The following RARS2 variants were observed in gnomAD, a reference collection of about 807,000 sequenced individuals.
RARS2 encodes probable arginine--tRNA ligase, mitochondrial.
RARS2 carries 67 observed loss-of-function variants against 88.5 expected under a neutral mutation model. The ratio of observed to expected loss-of-function variants is 0.76; its 90% CI spans 0.62 to 0.93. The LOEUF is 0.93. Ranked by LOEUF, RARS2 falls within the 40% of genes least tolerant of loss-of-function variation. The pLI is 0.00. For synonymous variants in RARS2, 239 were observed against 230.3 expected, an observed-to-expected ratio of 1.04 and a Z score of -0.34; for missense variants, 664 against 684.2, an observed-to-expected ratio of 0.97 and a Z score of 0.33.
chr6:87,526,997 C>A (rs1232640324), intron 10 of RARS2, among the ~76,000 whole-genome samples: 1 of 151,528 alleles, frequency 6.6e-6, no homozygotes. Context: ...GACAAAGGTG[C>A]CAAAATAACA....
intron 11 of RARS2, among the ~76,000 whole-genome samples, chr6:87,523,610 G>A (rs1339559976): frequency 6.6e-6 from 1 of 152,110 alleles, no homozygotes; most frequent in Non-Finnish European, 1.5e-5. Context: ...TAGTTATAGA[G>A]ACTTCATGTC....
At chr6:87,572,398 A>G (rs999409222) in intron 1 of RARS2, among the ~76,000 whole-genome samples, 1 of 152,128 alleles carries the variant, frequency 6.6e-6, no homozygotes, top group African/African-American at 2.4e-5. Flanking sequence ...AATTCGGCTG[A>G]AAAAAACTCA....
At chr6:87,541,201 G>C (rs991210659) in intron 8 of RARS2, among the ~76,000 whole-genome samples, 1 of 152,158 alleles carries the variant, frequency 6.6e-6, no homozygotes, top group Non-Finnish European at 1.5e-5. Context: ...TTCTGAGACA[G>C]GGTCTTGCTC....
intron 10 of RARS2, among the ~76,000 whole-genome samples, chr6:87,527,078 A>G (rs1463280304): frequency 6.6e-6 from 1 of 152,052 alleles, no homozygotes; most frequent in Non-Finnish European, 1.5e-5. Context: ...TGGGAGGCCA[A>G]AGCGGGTAGA....
chr6:87,534,182 A>G (rs1026136636), intron 8 of RARS2, among the ~76,000 whole-genome samples: 14 of 152,244 alleles, frequency 9.2e-5, no homozygotes, highest in African/African-American at 3.1e-4. Flanking sequence ...ATGTGTTTAT[A>G]TAATTAAAAT....
At position 87,518,199 on chromosome 6, in the gene RARS2, T is replaced by G. The variant is rs1041059224; in HGVS notation, c.1481A>C (p.Gln494Pro). 6.8e-6 allele frequency: 11 copies of G among 1,614,048 alleles called. No individual in the cohort carries two copies. The highest frequency in any genetic ancestry group is 8.5e-6 in the Non-Finnish European group (10 of 1,180,026). ...DFNTACLQEP[Q>P]SVSILQHLLR... ...AAGATGCTGAAGAATTGAAACAGAC[T>G]GTGGCTCTTGTAAACAAGCAGTGTT... The change falls in exon 17 of 20, where the codon CAG (glutamine) becomes CCG (proline). Residue 494 changes from glutamine to proline, a missense_variant. Gln to Pro is a moderately conservative substitution (Grantham distance 76). Transcript: ENST00000369536.
intron 8 of RARS2, 114 bp from the exon 9 acceptor site, chr6:87,531,056 T>C (rs1187151661): frequency 2.0e-6 from 3 of 1,513,352 alleles, no homozygotes; most frequent in Non-Finnish European, 2.7e-6. Flanking sequence ...ATTTTCCAAG[T>C]TGGGTACATT....
chr6:87,564,534 T>C (rs1415119449), intron 2 of RARS2: 11 of 384,332 alleles, frequency 2.9e-5, no homozygotes, highest in Admixed American at 1.1e-4. Flanking sequence ...CCAGGCATGG[T>C]GGTGTGTACC....
intron 11 of RARS2, among the ~76,000 whole-genome samples, chr6:87,524,099 C>A (rs1774896636): frequency 6.6e-6 from 1 of 152,138 alleles, no homozygotes; most frequent in Non-Finnish European, 1.5e-5. Flanking sequence ...AAAATTCTGG[C>A]CTGGGAGACA....
intron 4 of RARS2, among the ~76,000 whole-genome samples, chr6:87,561,886 A>G (rs924352478): frequency 6.6e-6 from 1 of 152,234 alleles, no homozygotes; most frequent in Non-Finnish European, 1.5e-5. Context: ...AATATTTTTA[A>G]TAAGTGAGCT....
intron 5 of RARS2, among the ~76,000 whole-genome samples, chr6:87,552,021 T>C (rs1162779650): frequency 6.6e-6 from 1 of 152,210 alleles, no homozygotes; most frequent in East Asian, 1.9e-4. Context: ...TCCTGTACTT[T>C]ATCACACTGC....
chr6:87,519,556 A>G (rs1431127788), intron 14 of RARS2, 27 bp downstream of exon 14: 13 of 1,599,188 alleles, frequency 8.1e-6, no homozygotes, highest in Non-Finnish European at 1.1e-5. Context: ...GTAAGTTATG[A>G]CTTTAATAAG....
chr6:87,539,423 A>G (rs529527406), intron 8 of RARS2, among the ~76,000 whole-genome samples: 1 of 152,388 alleles, frequency 6.6e-6, no homozygotes, highest in South Asian at 2.1e-4. Context: ...TTGTGTTCTT[A>G]GCTCCTACAA....
At chr6:87,536,507 C>T (rs1454584611) in intron 8 of RARS2, among the ~76,000 whole-genome samples, 1 of 151,806 alleles carries the variant, frequency 6.6e-6, no homozygotes, top group Non-Finnish European at 1.5e-5. Flanking sequence ...CGTGGTAGTG[C>T]ACACCTGTAA....
intron 10 of RARS2, 70 bp from the exon 11 acceptor site, chr6:87,524,722 ACATTAG>A: frequency 9.0e-7 from 1 of 1,112,230 alleles, no homozygotes; most frequent in South Asian, 1.2e-5. Flanking sequence ...AATATCTAAA[ACATTAG>A]CAAACCAGAA....
intron 18 of RARS2, 59 bp from the exon 19 acceptor site, chr6:87,515,079 T>TC: frequency 2.4e-6 from 3 of 1,271,798 alleles, no homozygotes; most frequent in Non-Finnish European, 3.5e-6. Flanking sequence ...TTGTAAGATA[T>TC]GAGCTTGATA....
At chr6:87,520,367 C>T in intron 12 of RARS2, 111 bp from the exon 13 acceptor site, 2 of 834,138 alleles carry the variant, frequency 2.4e-6, no homozygotes, top group Non-Finnish European at 3.9e-6. Context: ...CTAAAGTCGT[C>T]AATTGATATG....
In RARS2 at chr6:87,562,746, G is replaced by A. The variant is rs1788219551; in HGVS notation, c.253C>T (p.Gln85Ter). The change falls in exon 4 of 20, where the codon CAA becomes TAA. Residue 85 changes from glutamine (Q) to a stop codon, truncating the protein, a stop_gained. Transcript: ENST00000369536. LOFTEE classifies it high-confidence loss of function. ...TTTATTTTGAAATTTACAGTCCTTT[G>A]ACCAGTACTGATTTCACTCACCACT... ...DTVVSEISTG[Q>*]RTVNFKINRE... is the part of the protein sequence containing the mutation. 1 of 1,613,476 alleles carries A rather than the reference G, an allele frequency of 6.2e-7. No homozygotes were observed. The highest frequency in any genetic ancestry group is 8.5e-7 in the Non-Finnish European group (1 of 1,179,512).
chr6:87,523,075 T>C (rs1476347744), intron 11 of RARS2, among the ~76,000 whole-genome samples: 1 of 152,124 alleles, frequency 6.6e-6, no homozygotes, highest in Non-Finnish European at 1.5e-5. Context: ...TGAGAAACAG[T>C]TGTAGAGCAG....
Sources: gnomAD v4.1 joint callset for allele counts (sites outside exome capture counted in the v4.1 genomes callset) on GRCh38, gnomAD v4.1.1 for gene constraint, MANE v1.5 for transcripts, NCBI Gene and HGNC (gene_info 2026-07-23, HGNC 2026-07-21) for gene names.